Variants in GALNT13 observed in about 807,000 individuals in gnomAD.
GALNT13 encodes UDP-GalNAc:polypeptide N-acetylgalactosaminyltransferase 13.
A neutral mutation model predicts 64.2 loss-of-function variants in GALNT13; 28 were observed. The ratio of observed to expected loss-of-function variants is 0.44; its 90% CI spans 0.32 to 0.60. The LOEUF (loss-of-function observed/expected upper bound fraction) is 0.60, where lower values mean the gene tolerates loss of function less well. GALNT13 is among the 20% of genes least tolerant of loss of function. The pLI is 0.05. For synonymous variants in GALNT13, 214 were observed against 224.6 expected (o/e 0.95, Z 0.42); for missense variants, 577 against 669.8 (o/e 0.86, Z 1.53).
At chr2:154,446,822 T>C (rs1000624930) in intron 12 of GALNT13, 1 of 1,422,916 alleles carries the variant, frequency 7.0e-7, no homozygotes, top group Non-Finnish European at 9.2e-7. Flanking sequence ...GTTCAGTTAT[T>C]GAAATCTGGA....
intron 4 of GALNT13, among the ~76,000 whole-genome samples, chr2:154,219,195 GTACTGAC>G (rs1392328649): frequency 2.6e-5 from 4 of 151,982 alleles, no homozygotes; most frequent in African/African-American, 9.7e-5. Flanking sequence ...CATTTATTGA[GTACTGAC>G]TACAATGCAG....
the GALNT13 span, among the ~76,000 whole-genome samples, chr2:153,664,340 A>G: frequency 1.3e-5 from 2 of 152,158 alleles, no homozygotes; most frequent in African/African-American, 4.8e-5. Context: ...ACTTTTTGCA[A>G]AAAGAGAAAT....
At chr2:153,114,198 T>C in the GALNT13 span, among the ~76,000 whole-genome samples, 1 of 152,222 alleles carries the variant, frequency 6.6e-6, no homozygotes, top group African/African-American at 2.4e-5. Flanking sequence ...CAGGATGTGC[T>C]CAAAATAGAT....
chr2:153,184,431 C>T, the GALNT13 span, among the ~76,000 whole-genome samples: 1 of 152,288 alleles, frequency 6.6e-6, no homozygotes, highest in South Asian at 2.1e-4. Context: ...GATAATTTGA[C>T]TTCCTCTTTT....
chr2:153,745,605 G>A, the GALNT13 span, among the ~76,000 whole-genome samples: 2 of 152,216 alleles, frequency 1.3e-5, no homozygotes, highest in South Asian at 4.1e-4. Context: ...TGAAATTCTA[G>A]TTTTGGATTT....
At chr2:153,393,567 C>T in the GALNT13 span, among the ~76,000 whole-genome samples, 1 of 151,990 alleles carries the variant, frequency 6.6e-6, no homozygotes, top group African/African-American at 2.4e-5. Context: ...AAATTTATTA[C>T]ATCAAAGGTT....
At chr2:154,433,572 G>A (rs1266758014) in intron 11 of GALNT13, among the ~76,000 whole-genome samples, 2 of 152,090 alleles carry the variant, frequency 1.3e-5, no homozygotes, top group African/African-American at 2.4e-5. Flanking sequence ...TAAAAAAAAA[G>A]CTTAAGTCGT....
chr2:154,207,083 A>G (rs959966170), intron 4 of GALNT13, among the ~76,000 whole-genome samples: 2 of 152,180 alleles, frequency 1.3e-5, no homozygotes, highest in Non-Finnish European at 2.9e-5. Context: ...ATAATTTAAA[A>G]CTATCACTTT....
intron 9 of GALNT13, among the ~76,000 whole-genome samples, chr2:154,372,905 T>C (rs202159006): frequency 6.6e-6 from 1 of 152,120 alleles, no homozygotes; most frequent in Non-Finnish European, 1.5e-5. Flanking sequence ...CTTTTCAATA[T>C]GATAATTTTA....
At chr2:154,175,067 C>G (rs1312317110) in intron 4 of GALNT13, among the ~76,000 whole-genome samples, 6 of 152,028 alleles carry the variant, frequency 3.9e-5, no homozygotes, top group Non-Finnish European at 5.9e-5. Context: ...ATAATATTCC[C>G]TATCATTTTG....
the GALNT13 span, among the ~76,000 whole-genome samples, chr2:153,162,878 G>A: frequency 6.6e-6 from 1 of 152,176 alleles, no homozygotes; most frequent in Non-Finnish European, 1.5e-5. Flanking sequence ...CTTAGAGTAT[G>A]CTGAGGTGAC....
the GALNT13 span, among the ~76,000 whole-genome samples, chr2:153,405,794 A>G: frequency 6.6e-6 from 1 of 152,230 alleles, no homozygotes; most frequent in Non-Finnish European, 1.5e-5. Flanking sequence ...CATGCTAATT[A>G]TGCTTACAGG....
At chr2:153,649,606 CT>C in the GALNT13 span, among the ~76,000 whole-genome samples, 1 of 151,888 alleles carries the variant, frequency 6.6e-6, no homozygotes, top group African/African-American at 2.4e-5. Context: ...GCATTTAGTG[CT>C]ATAAATTTCC....
chr2:153,959,174 G>C (rs541046206), intron 3 of GALNT13, among the ~76,000 whole-genome samples: 2 of 152,180 alleles, frequency 1.3e-5, no homozygotes, highest in African/African-American at 4.8e-5. Flanking sequence ...AAATCCCAGA[G>C]CATATTGGGG....
At chr2:153,871,398 C>G (rs1042695444), upstream of GALNT13, among the ~76,000 whole-genome samples, 13 of 152,190 alleles carry the variant, frequency 8.5e-5, no homozygotes, top group Admixed American at 5.2e-4. Context: ...AACCTCCGTC[C>G]TTTCTGCGGA....
At chr2:153,398,095 CCA>C in the GALNT13 span, among the ~76,000 whole-genome samples, 1 of 147,340 alleles carries the variant, frequency 6.8e-6, no homozygotes, top group African/African-American at 2.5e-5. Context: ...ACAACAGTCC[CCA>C]GAGTGTGATA....
chr2:153,558,229 T>G, the GALNT13 span, among the ~76,000 whole-genome samples: 1 of 152,198 alleles, frequency 6.6e-6, no homozygotes, highest in Non-Finnish European at 1.5e-5. Context: ...CAAACAGCAC[T>G]CTTCAATTTA....
At chr2:153,443,145 G>C in the GALNT13 span, among the ~76,000 whole-genome samples, 1 of 152,178 alleles carries the variant, frequency 6.6e-6, no homozygotes. Context: ...TGGCTGCCCA[G>C]TTTTGTGCTT....
At chr2:153,435,545 G>A in the GALNT13 span, among the ~76,000 whole-genome samples, 32,326 of 149,776 alleles carry the variant, frequency 0.22, 3,671 homozygotes, top group Non-Finnish European at 0.25. Flanking sequence ...GGTCCTTCAC[G>A]TCCCTTGTAA....
Sources: allele counts gnomAD v4.1 joint callset (sites outside exome capture counted in the v4.1 genomes callset), GRCh38; gene constraint gnomAD v4.1.1; transcripts MANE v1.5; gene names NCBI Gene and HGNC (gene_info 2026-07-23, HGNC 2026-07-21).